The following BRINP2 variants were observed in gnomAD, a reference collection of about 807,000 sequenced individuals.
BRINP2 encodes the protein BMP/retinoic acid inducible neural specific 2, also known as BMP/retinoic acid-inducible neural-specific protein 2.
A neutral mutation model predicts 69.2 loss-of-function variants in BRINP2; 21 were observed. The ratio of observed to expected loss-of-function variants is 0.30; its 90% CI spans 0.22 to 0.44. The LOEUF (loss-of-function observed/expected upper bound fraction) is 0.44. Ranked by LOEUF, BRINP2 falls within the 20% of genes least tolerant of loss-of-function variation. BRINP2 has a pLI of 1.00. For synonymous variants in BRINP2, 380 were observed against 394.1 expected, an observed-to-expected ratio of 0.96 and a Z score of 0.42; for missense variants, 877 against 986.0, an observed-to-expected ratio of 0.89 and a Z score of 1.48.
At chr1:177,178,631 TTC>T (rs1439151383) in intron 1 of BRINP2, among the ~76,000 whole-genome samples, 1 of 152,162 alleles carries the variant, frequency 6.6e-6, no homozygotes, top group Non-Finnish European at 1.5e-5. Flanking sequence ...CTTGTTCAAA[TTC>T]TGTTTTTGCT....
chr1:177,281,396 T>C lies in BRINP2; in HGVS notation c.2220T>C (p.Leu740=). Residue 740 remains leucine, a synonymous_variant, in exon 8 of 8, where the codon CTT becomes CTC. Transcript: ENST00000361539. The part of the protein sequence containing the change: ...LSPPGKVRLD[L]FSCLLRHRLK... ...CACCTGGCAAAGTCCGACTTGACCT[T>C]TTCTCCTGCTTGCTCCGGCATCGGC... 1.2e-6 allele frequency: 2 copies of C among 1,614,078 alleles called. No individual in the cohort carries two copies. Among genetic ancestry groups the C allele is most frequent in the Non-Finnish European group, 1.7e-6 (2 of 1,180,030 alleles).
intron 6 of BRINP2, 51 bp downstream of exon 6, chr1:177,276,485 G>C (rs372321378): frequency 1.9e-5 from 30 of 1,542,970 alleles, no homozygotes; most frequent in Non-Finnish European, 2.7e-5. Flanking sequence ...GTGAGGTACA[G>C]AGCAAGAACA....
intron 4 of BRINP2, among the ~76,000 whole-genome samples, chr1:177,257,691 A>G (rs760226608): frequency 6.6e-6 from 1 of 152,186 alleles, no homozygotes; most frequent in Non-Finnish European, 1.5e-5. Flanking sequence ...ATTTCTAATG[A>G]TAAATAAAGA....
chr1:177,232,431 C>A (rs1453254487), intron 2 of BRINP2, among the ~76,000 whole-genome samples: 1 of 152,184 alleles, frequency 6.6e-6, no homozygotes, highest in Non-Finnish European at 1.5e-5. Context: ...TGCACATGAA[C>A]CTGTACTTGA....
At chr1:177,224,208 A>G (rs1649627393) in intron 1 of BRINP2, among the ~76,000 whole-genome samples, 1 of 152,126 alleles carries the variant, frequency 6.6e-6, no homozygotes, top group Non-Finnish European at 1.5e-5. Context: ...TTAACAACTG[A>G]CACCCTCAGA....
At position 177,281,294 on chromosome 1, in the gene BRINP2, C is replaced by G; in HGVS notation, c.2118C>G (p.Tyr706Ter). 6.2e-7 allele frequency: 1 copy of G among 1,614,144 alleles called. No individual in the cohort carries two copies. The highest frequency in any genetic ancestry group is 8.5e-7 in the Non-Finnish European group (1 of 1,180,020). ...AIRDLILQLD[Y>*]PYTQGSQDSA... ...GGGACTTAATTCTCCAGTTGGACTACCCATATACTCAAGGTTCCCAGGACT... is the reference window on the plus strand; with the variant it reads ...GGGACTTAATTCTCCAGTTGGACTAGCCATATACTCAAGGTTCCCAGGACT... The change falls in exon 8 of 8, where the codon TAC becomes TAG. Residue 706 changes from tyrosine to a stop codon, truncating the protein, a stop_gained. Coordinates refer to ENST00000361539, the MANE Select transcript of BRINP2 (RefSeq NM_021165.4). LOFTEE classifies it high-confidence loss of function.
Position 177,243,110 on chromosome 1 carries a change from C to T in BRINP2, c.270-12809C>T, listed in dbSNP as rs567852153. On this transcript the variant is annotated intron_variant, in intron 2 of 7. Transcript: ENST00000361539. Reference sequence around the variant, plus strand: ...AATGCTTATTCATTTTGTGAGGGGTCGCCCATTAGTAAATAAGAAAAAAAA... The same window carrying T: ...AATGCTTATTCATTTTGTGAGGGGTTGCCCATTAGTAAATAAGAAAAAAAA... Among the ~76,000 whole-genome samples, 8 of 150,294 alleles carry T rather than the reference C, an allele frequency of 5.3e-5. 1 individual carries two copies. The highest frequency in any genetic ancestry group is 4.2e-4 in the South Asian group (2 of 4,750).
chr1:177,187,948 C>A (rs1380926344), intron 1 of BRINP2, among the ~76,000 whole-genome samples: 1 of 152,168 alleles, frequency 6.6e-6, no homozygotes, highest in Non-Finnish European at 1.5e-5. Context: ...CACACCTGTT[C>A]TCTTGCTGTG....
chr1:177,243,829 A>G (rs1650288073), intron 2 of BRINP2, among the ~76,000 whole-genome samples: 1 of 152,220 alleles, frequency 6.6e-6, no homozygotes, highest in Admixed American at 6.5e-5. Flanking sequence ...GCCATTCCTT[A>G]GGGCCTCAGA....
At chr1:177,213,775 A>T (rs990540588) in intron 1 of BRINP2, among the ~76,000 whole-genome samples, 16 of 152,320 alleles carry the variant, frequency 1.1e-4, no homozygotes, top group Non-Finnish European at 2.2e-4. Flanking sequence ...TTTCAAAAAA[A>T]CTAAATCATT....
At position 177,183,573 on chromosome 1, in the gene BRINP2, A is replaced by G. The variant is rs569485019; in HGVS notation, c.-77+11841A>G. Among the ~76,000 whole-genome samples, 11 of 152,320 alleles carry G rather than the reference A, an allele frequency of 7.2e-5. 1 individual carries two copies. In the South Asian group the frequency reaches 2.3e-3, roughly 32 times the overall value. On this transcript the variant is annotated intron_variant, in intron 1 of 7. Coordinates refer to ENST00000361539, the MANE Select transcript of BRINP2 (RefSeq NM_021165.4). Reference sequence around the variant, plus strand: ...AATGGAGTCAGATATTTGATCATAAAGATACTAAGCTTAGGACACAGACAC... The same window carrying G: ...AATGGAGTCAGATATTTGATCATAAGGATACTAAGCTTAGGACACAGACAC...
intron 2 of BRINP2, among the ~76,000 whole-genome samples, chr1:177,233,666 C>G (rs1284410135): frequency 6.6e-6 from 1 of 152,196 alleles, no homozygotes; most frequent in African/African-American, 2.4e-5. Context: ...GGGAACTCAA[C>G]TGAAGAATAA....
chr1:177,215,034 T>A (rs910853269), intron 1 of BRINP2, among the ~76,000 whole-genome samples: 6 of 152,190 alleles, frequency 3.9e-5, no homozygotes, highest in African/African-American at 1.4e-4. Flanking sequence ...TGAGGCTTTG[T>A]ACACTTGGAC....
Position 177,281,130 on chromosome 1 carries a change from T to C in BRINP2, c.1954T>C (p.Ser652Pro). 6.2e-7 allele frequency: 1 copy of C among 1,614,180 alleles called. No individual in the cohort carries two copies. Among genetic ancestry groups the C allele is most frequent in the Non-Finnish European group, 8.5e-7 (1 of 1,180,034 alleles). ...TGTTTACCTACGGAGCCGAATCAAG[T>C]CCCTGGATGACAGCTCCAATGAGAC... ...VHVYLRSRIK[S>P]LDDSSNETIY... The change falls in exon 8 of 8, where the codon TCC becomes CCC. Residue 652 changes from serine (S) to proline (P), a missense_variant. Ser to Pro is a moderately conservative substitution (Grantham distance 74). This residue lies in a region of BRINP2 where 225 missense variants were observed against 218.7 expected (regional missense o/e 1.03). Transcript: ENST00000361539.
At chr1:177,204,333 C>T (rs1379663019) in intron 1 of BRINP2, among the ~76,000 whole-genome samples, 1 of 152,006 alleles carries the variant, frequency 6.6e-6, no homozygotes, top group Non-Finnish European at 1.5e-5. Flanking sequence ...CTGTGGCTAA[C>T]TGCCTTGTGA....
In BRINP2 at chr1:177,178,559, T is replaced by C. The variant is rs967945156; in HGVS notation, c.-77+6827T>C. 3.3e-5 allele frequency among the ~76,000 whole-genome samples: 5 copies of C among 152,104 alleles called. No homozygotes were observed. In the South Asian group the frequency reaches 8.3e-4, roughly 25 times the overall value. On this transcript the variant is annotated intron_variant, in intron 1 of 7. Coordinates refer to ENST00000361539, the MANE Select transcript of BRINP2 (RefSeq NM_021165.4). Reference sequence around the variant, plus strand: ...AGACTCTGTAAATAGTATCCCTCTATGAAGTCTTCTCTGAAACTCTGGGAC... The same window carrying C: ...AGACTCTGTAAATAGTATCCCTCTACGAAGTCTTCTCTGAAACTCTGGGAC...
At chr1:177,203,236 C>T (rs551609191) in intron 1 of BRINP2, among the ~76,000 whole-genome samples, 1 of 152,044 alleles carries the variant, frequency 6.6e-6, no homozygotes, top group Non-Finnish European at 1.5e-5. Context: ...GACAAAAAAA[C>T]CAAACACAGC....
chr1:177,203,675 A>G (rs945902764), intron 1 of BRINP2, among the ~76,000 whole-genome samples: 34 of 152,128 alleles, frequency 2.2e-4, no homozygotes, highest in Admixed American at 1.2e-3. Flanking sequence ...CTTTTTATTG[A>G]TTTAAGGAAC....
At chr1:177,279,715 A>G (rs1651630266) in intron 7 of BRINP2, among the ~76,000 whole-genome samples, 1 of 152,238 alleles carries the variant, frequency 6.6e-6, no homozygotes, top group Non-Finnish European at 1.5e-5. Context: ...CATTTCTGAG[A>G]AGCTGTTGGT....
Sources: gnomAD v4.1 joint callset for allele counts (sites outside exome capture counted in the v4.1 genomes callset) on GRCh38, gnomAD v4.1.1 for gene constraint, gnomAD v4.1.1 regional missense constraint, MANE v1.5 for transcripts, NCBI Gene and HGNC (gene_info 2026-07-23, HGNC 2026-07-21) for gene names.